The following SCN11A variants were observed in gnomAD, a reference collection of about 807,000 sequenced individuals.
SCN11A encodes sodium channel protein type 11 subunit alpha.
Under a neutral mutation model 162.2 loss-of-function variants are expected in SCN11A, and 122 were observed. The observed-to-expected ratio is 0.75, with a 90% CI of 0.65 to 0.87. SCN11A has a LOEUF of 0.87. SCN11A is among the 40% of genes least tolerant of loss of function. The pLI, the probability that SCN11A is intolerant of heterozygous loss-of-function variation, is 0.00. For synonymous variants in SCN11A, 758 were observed against 751.5 expected, an observed-to-expected ratio of 1.01 and a Z score of -0.14; for missense variants, 2,015 against 2,181.6, an observed-to-expected ratio of 0.92 and a Z score of 1.52.
At chr3:39,030,983 G>A (rs916875536) in intron 2 of SCN11A, among the ~76,000 whole-genome samples, 1 of 152,200 alleles carries the variant, frequency 6.6e-6, no homozygotes, top group African/African-American at 2.4e-5. Context: ...GGATGGCCTG[G>A]ATGGTTCTCT....
intron 2 of SCN11A, among the ~76,000 whole-genome samples, chr3:38,985,981 T>C (rs1244789021): frequency 6.6e-6 from 1 of 151,014 alleles, no homozygotes; most frequent in Non-Finnish European, 1.5e-5. Context: ...TACTGGCCAT[T>C]GGTGGGAAAC....
intron 2 of SCN11A, among the ~76,000 whole-genome samples, chr3:38,968,659 T>G (rs552792323): frequency 1.7e-4 from 26 of 152,034 alleles, no homozygotes; most frequent in Non-Finnish European, 3.1e-4. Flanking sequence ...TGCAAACACA[T>G]GCACACAAGC....
chr3:38,922,184 T>C (rs920029843), intron 9 of SCN11A, among the ~76,000 whole-genome samples: 4 of 152,150 alleles, frequency 2.6e-5, no homozygotes, highest in Non-Finnish European at 5.9e-5. Flanking sequence ...TTGATTAGCA[T>C]AGAGGTGAGA....
chr3:38,982,656 T>C (rs1341056396), intron 2 of SCN11A, among the ~76,000 whole-genome samples: 3 of 152,118 alleles, frequency 2.0e-5, no homozygotes, highest in African/African-American at 7.2e-5. Context: ...GCAGACATAA[T>C]ATATGAAAGA....
chr3:38,991,722 C>A (rs2030459515), intron 2 of SCN11A, among the ~76,000 whole-genome samples: 2 of 152,286 alleles, frequency 1.3e-5, no homozygotes, highest in Non-Finnish European at 1.5e-5. Context: ...TTTCTTATAA[C>A]TGGCCTGCTT....
intron 4 of SCN11A, among the ~76,000 whole-genome samples, chr3:38,952,536 C>T (rs1362814506): frequency 6.6e-6 from 1 of 152,232 alleles, no homozygotes; most frequent in Non-Finnish European, 1.5e-5. Flanking sequence ...GGTGAAGAAA[C>T]ACAGTCCCTG....
At chr3:39,012,715 T>C (rs2031183083) in intron 2 of SCN11A, among the ~76,000 whole-genome samples, 1 of 152,180 alleles carries the variant, frequency 6.6e-6, no homozygotes, top group East Asian at 1.9e-4. Flanking sequence ...CTTCAAGTGA[T>C]TCACCTGCCT....
At chr3:38,998,794 A>G (rs1221891438) in intron 2 of SCN11A, among the ~76,000 whole-genome samples, 1 of 151,828 alleles carries the variant, frequency 6.6e-6, no homozygotes, top group Non-Finnish European at 1.5e-5. Context: ...ATTCTCAGCA[A>G]ACTATCACAA....
intron 14 of SCN11A, 65 bp downstream of exon 14, chr3:38,907,884 T>G: frequency 7.5e-7 from 1 of 1,337,338 alleles, no homozygotes; most frequent in Non-Finnish European, 1.0e-6. Flanking sequence ...TTCAATTTGA[T>G]TGGCAATTGG....
Position 38,903,935 on chromosome 3 carries a change from G to C in SCN11A, c.1772C>G (p.Thr591Ser), listed in dbSNP as rs777883162. The C allele has an allele frequency of 3.1e-6, 5 of 1,614,110 alleles. No individual in the cohort carries two copies. The highest frequency in any genetic ancestry group is 4.2e-6 in the Non-Finnish European group (5 of 1,179,972). The change falls in exon 16 of 30, where the codon ACT becomes AGT. Residue 591 changes from threonine to serine, a missense_variant. Physicochemically the swap from Thr to Ser is moderately conservative, Grantham distance 58. Coordinates refer to ENST00000302328, the MANE Select transcript of SCN11A (RefSeq NM_001349253.2). ...LAITICIIIN[T>S]VFLAMEHHKM... ...GTGATGCTCCATGGCCAAGAAGACA[G>C]TGTTGATGATGATGCAGATGGTGAT...
In SCN11A at chr3:38,954,890, G is replaced by A. The variant is rs367813380; in HGVS notation, c.-138-1131C>T. On this transcript the variant is annotated intron_variant, in intron 3 of 29. Transcript: ENST00000302328. ...TGTAATCCCAGCCACTCGGGAGGCTGAGCAGGAGAATCAGTTGAATCCAGG... is the reference window on the plus strand; with the variant it reads ...TGTAATCCCAGCCACTCGGGAGGCTAAGCAGGAGAATCAGTTGAATCCAGG... Among the ~76,000 whole-genome samples, 57 of 152,244 alleles carry A rather than the reference G, an allele frequency of 3.7e-4. No individual in the cohort carries two copies. In the South Asian group the frequency reaches 0.011, roughly 28 times the overall value.
In SCN11A at chr3:38,894,829, T is replaced by A. The variant is rs1553636988; in HGVS notation, c.2539A>T (p.Arg847Ter). 6.2e-7 allele frequency: 1 copy of A among 1,614,188 alleles called. No individual in the cohort carries two copies. Among genetic ancestry groups the A allele is most frequent in the Non-Finnish European group, 8.5e-7 (1 of 1,180,034 alleles). ...DRFRRAFCFV[R>*]HTLEHFCHKW... ...TGACAGAAATGCTCAAGAGTGTGTC[T>A]CACAAAACAAAAAGCCCGGCGGAAT... Residue 847 changes from arginine (R) to a stop codon, truncating the protein, a stop_gained, in exon 19 of 30, where the codon AGA becomes TGA. Transcript: ENST00000302328. LOFTEE classifies it high-confidence loss of function.
chr3:39,035,578 C>T (rs993193940), intron 1 of SCN11A, among the ~76,000 whole-genome samples: 1 of 152,042 alleles, frequency 6.6e-6, no homozygotes, highest in Non-Finnish European at 1.5e-5. Flanking sequence ...ATGGGATCTC[C>T]CTATGTTGCT....
chr3:38,926,821 G>A lies in SCN11A; in HGVS notation c.599C>T (p.Ser200Phe), dbSNP rs1413902946. 1 of 1,613,672 alleles carries A rather than the reference G, an allele frequency of 6.2e-7. No homozygotes were observed. Among genetic ancestry groups the A allele is most frequent in the African/African-American group, 1.3e-5 (1 of 74,896 alleles). ...FLRDPWNWLD[S>F]IVIGIAIVSY... is the part of the protein sequence containing the mutation. ...TTCTTACGCTATTCCAATGACAATGGAGTCCAGCCAGTTCCATGGATCTCG... is the reference window on the plus strand; with the variant it reads ...TTCTTACGCTATTCCAATGACAATGAAGTCCAGCCAGTTCCATGGATCTCG... The change falls in exon 8 of 30, where the codon TCC becomes TTC. Residue 200 changes from serine to phenylalanine, a missense_variant. Transcript: ENST00000302328.
At chr3:38,931,157 G>C (rs1294956604) in intron 7 of SCN11A, among the ~76,000 whole-genome samples, 1 of 152,132 alleles carries the variant, frequency 6.6e-6, no homozygotes, top group African/African-American at 2.4e-5. Flanking sequence ...ATCTCCAAAG[G>C]GGAGACCACA....
At chr3:39,001,986 T>G (rs1037238520) in intron 2 of SCN11A, among the ~76,000 whole-genome samples, 8 of 151,558 alleles carry the variant, frequency 5.3e-5, no homozygotes, top group African/African-American at 1.9e-4. Context: ...GCAGTGAGCC[T>G]AGATGACGCC....
rs1460213800 is a variant in SCN11A at position 38,958,307 on chromosome 3, G to A, written c.-139+1976C>T. Among the ~76,000 whole-genome samples the A allele has an allele frequency of 2.0e-5, 3 of 152,294 alleles. No individual in the cohort carries two copies. The East Asian group carries it at 5.8e-4, about 29-fold the overall frequency. On this transcript the variant is annotated intron_variant, in intron 3 of 29. Coordinates refer to ENST00000302328, the MANE Select transcript of SCN11A (RefSeq NM_001349253.2). ...ATTTCTCTTCCAGCTTTCCCCTGAT[G>A]GTGGCCATGGGCCACAGTGCCTGTG...
Position 39,003,219 on chromosome 3 carries a change from T to A in SCN11A, c.-280+29161A>T, listed in dbSNP as rs9839372. ...AAGTAGACCCCCGTGTCTATTGTTT[T>A]TCTTCTTTGTGTTCATAAGTTCTCA... On this transcript the variant is annotated intron_variant, in intron 2 of 29. Transcript: ENST00000302328. Among the ~76,000 whole-genome samples, 259 of 152,302 alleles carry A rather than the reference T, an allele frequency of 1.7e-3. 2 individuals carry two copies. The highest frequency in any genetic ancestry group is 5.9e-3 in the African/African-American group (247 of 41,568).
intron 2 of SCN11A, among the ~76,000 whole-genome samples, chr3:38,984,860 G>A (rs2030178241): frequency 6.6e-6 from 1 of 152,062 alleles, no homozygotes; most frequent in African/African-American, 2.4e-5. Context: ...CTGGGGGAGG[G>A]AACATTCCAA....
Sources: gnomAD v4.1 joint callset for allele counts (sites outside exome capture counted in the v4.1 genomes callset) on GRCh38, gnomAD v4.1.1 for gene constraint, MANE v1.5 for transcripts, NCBI Gene and HGNC (gene_info 2026-07-23, HGNC 2026-07-21) for gene names.